TCERG1L: variants seen among roughly 807,000 people sequenced by gnomAD.
TCERG1L encodes transcription elongation regulator 1-like protein.
Under a neutral mutation model 56.3 loss-of-function variants are expected in TCERG1L, and 37 were observed. The ratio of observed to expected loss-of-function variants is 0.66; its 90% CI spans 0.51 to 0.87. TCERG1L has a LOEUF of 0.87. TCERG1L is among the 40% of genes least tolerant of loss of function. The pLI is 0.00. For missense variants in TCERG1L, 799 were observed against 774.2 expected (o/e 1.03, Z -0.38); for synonymous variants, 324 against 326.3 (o/e 0.99, Z 0.08).
At chr10:131,272,422 G>A (rs190698639) in intron 3 of TCERG1L, among the ~76,000 whole-genome samples, 56 of 152,330 alleles carry the variant, frequency 3.7e-4, no homozygotes, top group East Asian at 1.2e-3. Context: ...AGTTTTGAAT[G>A]TGCCAAATAA....
intron 4 of TCERG1L, among the ~76,000 whole-genome samples, chr10:131,223,710 TCACA>T (rs1316690166): frequency 2.7e-5 from 4 of 150,924 alleles, no homozygotes; most frequent in African/African-American, 4.9e-5. Flanking sequence ...ACACACATGC[TCACA>T]CACAGACATG....
intron 3 of TCERG1L, among the ~76,000 whole-genome samples, chr10:131,292,594 C>T (rs1408441357): frequency 6.6e-6 from 1 of 152,200 alleles, no homozygotes; most frequent in Non-Finnish European, 1.5e-5. Flanking sequence ...AACAAGCTTT[C>T]TATCTTGAGA....
At chr10:131,193,570 C>T (rs1411020936) in intron 4 of TCERG1L, among the ~76,000 whole-genome samples, 1 of 152,172 alleles carries the variant, frequency 6.6e-6, no homozygotes, top group Non-Finnish European at 1.5e-5. Flanking sequence ...CATGGCTAGC[C>T]AATGTTCCCA....
intron 3 of TCERG1L, among the ~76,000 whole-genome samples, chr10:131,264,372 G>A (rs1846265197): frequency 6.6e-6 from 1 of 152,210 alleles, no homozygotes; most frequent in African/African-American, 2.4e-5. Flanking sequence ...CCCACCCACA[G>A]GAAGGAAAGG....
At chr10:131,237,829 A>C (rs947651314) in intron 4 of TCERG1L, among the ~76,000 whole-genome samples, 2 of 152,138 alleles carry the variant, frequency 1.3e-5, no homozygotes, top group African/African-American at 4.8e-5. Context: ...GTAACACCTA[A>C]TGGGTTGCAA....
intron 3 of TCERG1L, among the ~76,000 whole-genome samples, chr10:131,306,132 G>C (rs568572360): frequency 1.7e-3 from 266 of 152,050 alleles, no homozygotes; most frequent in Non-Finnish European, 3.2e-3. Context: ...ACCTTCACTT[G>C]TCCCCGTTCT....
In TCERG1L at chr10:131,311,485, G is replaced by A. The variant is rs1429322242; in HGVS notation, c.151C>T (p.Arg51Trp). The change falls in exon 1 of 12, where the codon CGG (arginine) becomes TGG (tryptophan). Residue 51 changes from arginine (R) to tryptophan (W), a missense_variant. Transcript: ENST00000368642. This position sits in a 1 kb window ranked among gnomAD's most constrained non-coding sequence, Gnocchi z 4.0. Reference sequence around the variant, plus strand: ...GGAACCACGACCCCCGCGCTGAGCCGGAGCAGCCCGGCCGAGCCCGGCACC... The same window carrying A: ...GGAACCACGACCCCCGCGCTGAGCCAGAGCAGCCCGGCCGAGCCCGGCACC... ...WMVPGSAGLLRLSAGVVVPPV... is the reference protein window; with the variant it reads ...WMVPGSAGLLWLSAGVVVPPV... 1.8e-5 allele frequency: 22 copies of A among 1,191,482 alleles called. No homozygotes were observed. Among genetic ancestry groups the A allele is most frequent in the Admixed American group, 4.4e-5 (1 of 22,522 alleles). The allele number at this position is 1,191,482 out of a possible 1,614,324, so 73.8% of individuals were successfully genotyped here. A position where few individuals can be genotyped will look rare whatever the true frequency, so the allele number is the denominator to read the frequency against.
chr10:131,110,534 C>A (rs1014769974), intron 9 of TCERG1L, among the ~76,000 whole-genome samples: 1 of 152,244 alleles, frequency 6.6e-6, no homozygotes, highest in Non-Finnish European at 1.5e-5. Context: ...AGGGAAGAGA[C>A]CCCAAAGCAC....
intron 7 of TCERG1L, among the ~76,000 whole-genome samples, chr10:131,141,182 C>G (rs944532869): frequency 6.6e-6 from 1 of 152,156 alleles, no homozygotes; most frequent in Non-Finnish European, 1.5e-5. Context: ...CTCTCCGTGG[C>G]CACTTGGAAA....
chr10:131,272,106 G>A (rs12240280), intron 3 of TCERG1L, among the ~76,000 whole-genome samples: 4,329 of 152,204 alleles, frequency 0.028, 100 homozygotes, highest in East Asian at 0.09. Context: ...GCGGCGGAAT[G>A]AGCTGGTGCA....
chr10:131,109,771 G>A (rs966149937), intron 9 of TCERG1L, among the ~76,000 whole-genome samples: 2 of 152,144 alleles, frequency 1.3e-5, no homozygotes, highest in Non-Finnish European at 2.9e-5. Context: ...TGGGCACGCC[G>A]GCTGGAGCTC....
intron 4 of TCERG1L, among the ~76,000 whole-genome samples, chr10:131,246,504 C>T (rs1159130609): frequency 6.6e-6 from 1 of 152,032 alleles, no homozygotes; most frequent in Non-Finnish European, 1.5e-5. Context: ...CACAAGGATG[C>T]GGAAAGTTAT....
At chr10:131,170,077 G>A (rs554195938) in intron 4 of TCERG1L, among the ~76,000 whole-genome samples, 40 of 152,216 alleles carry the variant, frequency 2.6e-4, no homozygotes, top group Admixed American at 5.9e-4. Context: ...GAATACCTGC[G>A]ACAAATGTTT....
intron 3 of TCERG1L, among the ~76,000 whole-genome samples, chr10:131,276,790 G>A (rs1167182256): frequency 1.3e-5 from 2 of 152,112 alleles, no homozygotes; most frequent in Non-Finnish European, 2.9e-5. Context: ...ATGACTGTCC[G>A]GGACGGTAGA....
chr10:131,307,990 C>G (rs1299864654), intron 3 of TCERG1L, among the ~76,000 whole-genome samples: 1 of 152,120 alleles, frequency 6.6e-6, no homozygotes, highest in Non-Finnish European at 1.5e-5. Context: ...TCAGCCATCT[C>G]TTCAACATCA....
At chr10:131,277,496 G>A (rs535168531) in intron 3 of TCERG1L, among the ~76,000 whole-genome samples, 5 of 152,276 alleles carry the variant, frequency 3.3e-5, no homozygotes, top group South Asian at 4.2e-4. Context: ...ACCTCCTGGC[G>A]AGCACACTGA....
In TCERG1L at chr10:131,107,880, C is replaced by A. The variant is rs185468000; in HGVS notation, c.1396-3526G>T. 3.3e-5 allele frequency among the ~76,000 whole-genome samples: 5 copies of A among 152,186 alleles called. No individual in the cohort carries two copies. The East Asian group carries it at 9.7e-4, about 29-fold the overall frequency. ...ATACGCAGGCACACATGTACACATGCACATGTACATAGTTGCACAAATGCA... is the reference window on the plus strand; with the variant it reads ...ATACGCAGGCACACATGTACACATGAACATGTACATAGTTGCACAAATGCA... On this transcript the variant is annotated intron_variant, in intron 9 of 11. Transcript: ENST00000368642.
In TCERG1L at chr10:131,277,310, T is replaced by G. The variant is rs563900794; in HGVS notation, c.671-16866A>C. On this transcript the variant is annotated intron_variant, in intron 3 of 11. Coordinates refer to ENST00000368642, the MANE Select transcript of TCERG1L (RefSeq NM_174937.4). ...ACAAAGGAGATGTGAGTTCATTATG[T>G]GAACCCAGCCCCTGGACACTGAAGA... 2.5e-4 allele frequency among the ~76,000 whole-genome samples: 38 copies of G among 152,308 alleles called. 1 individual carries two copies. The highest frequency in any genetic ancestry group is 9.1e-4 in the African/African-American group (38 of 41,570).
intron 7 of TCERG1L, 128 bp downstream of exon 7, chr10:131,146,378 G>A (rs916456699): frequency 1.2e-5 from 13 of 1,069,986 alleles, no homozygotes; most frequent in Middle Eastern, 3.4e-4. Context: ...CTCTGCAATC[G>A]GGCACAGGAT....
Sources: allele counts gnomAD v4.1 joint callset (sites outside exome capture counted in the v4.1 genomes callset), GRCh38; gene constraint gnomAD v4.1.1; non-coding constraint Gnocchi (gnomAD v3.1); transcripts MANE v1.5; gene names NCBI Gene and HGNC (gene_info 2026-07-23, HGNC 2026-07-21).